The following ZNF804B variants were observed in gnomAD, a reference collection of about 807,000 sequenced individuals.
ZNF804B encodes the protein zinc finger 804B.
In ZNF804B, 80 loss-of-function variants were observed where a neutral mutation model predicts 101.4. The ratio of observed to expected loss-of-function variants is 0.79; its 90% confidence interval spans 0.66 to 0.95. The LOEUF (loss-of-function observed/expected upper bound fraction) is 0.95. ZNF804B is among the 40% of genes least tolerant of loss of function. The probability of loss-of-function intolerance (pLI) is 0.00; values close to 1 mark genes in which losing one functional copy is unlikely to be tolerated. For synonymous variants in ZNF804B, 622 were observed against 558.8 expected (o/e 1.11, Z -1.59); for missense variants, 1,673 against 1,561.9 (o/e 1.07, Z -1.20).
chr7:89,066,687 A>G (rs1051900814), intron 1 of ZNF804B, among the ~76,000 whole-genome samples: 1 of 152,170 alleles, frequency 6.6e-6, no homozygotes, highest in Non-Finnish European at 1.5e-5. Context: ...AAAATTGTAT[A>G]GAAAAATTAT....
chr7:89,298,907 G>GA (rs1051000847), intron 2 of ZNF804B, among the ~76,000 whole-genome samples: 22 of 149,300 alleles, frequency 1.5e-4, no homozygotes, highest in East Asian at 5.9e-4. Flanking sequence ...GGATCGATGT[G>GA]AAAAAAAAAA....
chr7:89,121,075 G>A (rs1034394049), intron 1 of ZNF804B, among the ~76,000 whole-genome samples: 5 of 152,054 alleles, frequency 3.3e-5, no homozygotes, highest in African/African-American at 1.2e-4. Context: ...AGAGGTTAAC[G>A]AACTGCCTGA....
intron 1 of ZNF804B, among the ~76,000 whole-genome samples, chr7:88,969,822 CAA>C (rs1254210895): frequency 2.0e-5 from 3 of 151,454 alleles, no homozygotes; most frequent in Non-Finnish European, 4.4e-5. Context: ...ATTTTTGAAA[CAA>C]GATATAAACC....
intron 1 of ZNF804B, among the ~76,000 whole-genome samples, chr7:88,991,964 C>T (rs765360058): frequency 3.3e-5 from 5 of 152,116 alleles, no homozygotes; most frequent in Non-Finnish European, 7.4e-5. Flanking sequence ...TCTTTCTCTA[C>T]GTTTATTTCC....
chr7:89,244,712 G>A (rs149930480), intron 2 of ZNF804B, among the ~76,000 whole-genome samples: 90 of 152,072 alleles, frequency 5.9e-4, no homozygotes, highest in African/African-American at 1.2e-3. Flanking sequence ...GATAAACCCC[G>A]GACATAAGGT....
chr7:88,846,558 A>G (rs1211819937), intron 1 of ZNF804B, among the ~76,000 whole-genome samples: 1 of 152,158 alleles, frequency 6.6e-6, no homozygotes, highest in Non-Finnish European at 1.5e-5. Flanking sequence ...ACAGTCAGAT[A>G]TGACCTGGAG....
intron 1 of ZNF804B, among the ~76,000 whole-genome samples, chr7:88,926,588 A>ATCTC (rs1272904196): frequency 1.3e-5 from 2 of 152,262 alleles, no homozygotes; most frequent in East Asian, 3.9e-4. Context: ...AGCCTGGGTG[A>ATCTC]CAGAGTGAGA....
chr7:89,275,307 T>C (rs1465665243), intron 2 of ZNF804B, among the ~76,000 whole-genome samples: 1 of 152,006 alleles, frequency 6.6e-6, no homozygotes, highest in Non-Finnish European at 1.5e-5. Flanking sequence ...AGAAATACTG[T>C]AATAGCTTTA....
At chr7:89,320,350 G>T (rs532346829) in intron 2 of ZNF804B, among the ~76,000 whole-genome samples, 35 of 151,924 alleles carry the variant, frequency 2.3e-4, no homozygotes, top group African/African-American at 8.0e-4. Context: ...AAATAAAAAT[G>T]CTAGAAACTA....
chr7:89,019,861 G>A (rs936298362), intron 1 of ZNF804B, among the ~76,000 whole-genome samples: 1 of 151,952 alleles, frequency 6.6e-6, no homozygotes, highest in African/African-American at 2.4e-5. Flanking sequence ...GGTGAGCTGA[G>A]TTTCATGTAG....
At chr7:89,314,960 T>A (rs1790700890) in intron 2 of ZNF804B, among the ~76,000 whole-genome samples, 1 of 152,176 alleles carries the variant, frequency 6.6e-6, no homozygotes, top group Non-Finnish European at 1.5e-5. Context: ...TATTAGTCCA[T>A]CTTGCATTGC....
At chr7:88,965,569 G>C (rs1237096623) in intron 1 of ZNF804B, among the ~76,000 whole-genome samples, 4 of 151,388 alleles carry the variant, frequency 2.6e-5, no homozygotes, top group African/African-American at 9.7e-5. Flanking sequence ...GCTATAAAGA[G>C]ATGAGAAACT....
intron 1 of ZNF804B, among the ~76,000 whole-genome samples, chr7:88,961,213 A>G (rs1168213662): frequency 6.6e-6 from 1 of 150,758 alleles, no homozygotes; most frequent in Non-Finnish European, 1.5e-5. Context: ...AATAAACAAT[A>G]ATTATGTCGT....
Position 89,046,692 on chromosome 7 carries a change from C to CT in ZNF804B, c.109-171455dup, listed in dbSNP as rs939736247. Among the ~76,000 whole-genome samples, 19 of 151,720 alleles carry CT rather than the reference C, an allele frequency of 1.3e-4. No homozygotes were observed. In the South Asian group the frequency reaches 2.3e-3, roughly 18 times the overall value. On this transcript the variant is annotated intron_variant, in intron 1 of 3. Transcript: ENST00000333190. Reference sequence around the variant, plus strand: ...CTTGAAAATTTTGATTTTGATTTTCCTTTTTTTTCCAATTCAAAAAAAGGA... The same window carrying CT: ...CTTGAAAATTTTGATTTTGATTTTCCTTTTTTTTTCCAATTCAAAAAAAGGA...
intron 2 of ZNF804B, among the ~76,000 whole-genome samples, chr7:89,260,092 T>A (rs1789688948): frequency 6.6e-6 from 1 of 152,202 alleles, no homozygotes; most frequent in Admixed American, 6.5e-5. Flanking sequence ...GGGGCTTGTG[T>A]CTTCATGGAC....
chr7:89,280,890 C>T (rs1790083988), intron 2 of ZNF804B, among the ~76,000 whole-genome samples: 1 of 152,164 alleles, frequency 6.6e-6, no homozygotes, highest in South Asian at 2.1e-4. Flanking sequence ...AGGGAATCCT[C>T]CCTAACTCAT....
rs1173349882 is a variant in ZNF804B, at chr7:89,103,063, T to TGTTTGTTTTG, written c.109-115092_109-115091insGTTTGTTTTG. On this transcript the variant is annotated intron_variant, in intron 1 of 3. Coordinates refer to ENST00000333190, the MANE Select transcript of ZNF804B (RefSeq NM_181646.5). The stretch of plus-strand genomic sequence containing the variant: ...CTATGTGTCTGTTTTTTTTTTTTTT[T>TGTTTGTTTTG]TTTTTTTTTTTTTTTTTTTTACCAA... Among the ~76,000 whole-genome samples, 325 of 134,056 alleles carry TGTTTGTTTTG rather than the reference T, an allele frequency of 2.4e-3. 2 individuals are homozygous for TGTTTGTTTTG. Among genetic ancestry groups the TGTTTGTTTTG allele is most frequent in the African/African-American group, 9.3e-3 (305 of 32,940 alleles). The allele number at this position is 134,056 out of a possible 152,430, so 87.9% of individuals were successfully genotyped here. A position where few individuals can be genotyped will look rare whatever the true frequency, so the allele number is the denominator to read the frequency against.
chr7:88,858,015 G>A (rs1248577859), intron 1 of ZNF804B, among the ~76,000 whole-genome samples: 1 of 151,576 alleles, frequency 6.6e-6, no homozygotes, highest in Non-Finnish European at 1.5e-5. Context: ...TAGAGACAGG[G>A]TTTTGCCATG....
intron 1 of ZNF804B, among the ~76,000 whole-genome samples, chr7:88,863,793 A>G (rs1479501047): frequency 6.6e-6 from 1 of 152,214 alleles, no homozygotes; most frequent in Admixed American, 6.5e-5. Context: ...GGGAAAGGCC[A>G]GTGAAAATGT....
Sources: allele counts gnomAD v4.1 joint callset (sites outside exome capture counted in the v4.1 genomes callset), GRCh38; gene constraint gnomAD v4.1.1; transcripts MANE v1.5; gene names NCBI Gene and HGNC (gene_info 2026-07-23, HGNC 2026-07-21).